The following PARP6 variants were observed in gnomAD, a reference collection of about 807,000 sequenced individuals.
PARP6 encodes the protein poly(ADP-ribose) polymerase family member 6.
PARP6 carries 27 observed loss-of-function variants against 92.0 expected under a neutral mutation model. That is an observed-to-expected ratio of 0.29 (90% CI 0.22 to 0.40). PARP6 has a LOEUF of 0.40. Ranked by LOEUF, PARP6 falls within the 10% of genes least tolerant of loss-of-function variation. The pLI is 1.00. For synonymous variants in PARP6, 272 were observed against 281.2 expected (o/e 0.97, Z 0.33); for missense variants, 501 against 784.5 (o/e 0.64, Z 4.32).
At chr15:72,254,668 C>T in intron 14 of PARP6, 148 bp from the exon 15 acceptor site, 1 of 625,240 alleles carries the variant, frequency 1.6e-6, no homozygotes, top group Non-Finnish European at 2.8e-6. Context: ...TCAGACAGTT[C>T]TAGGGGCACA....
chr15:72,265,260 C>T, intron 6 of PARP6, 89 bp from the exon 7 acceptor site: 1 of 1,028,114 alleles, frequency 9.7e-7, no homozygotes. Context: ...ATGCACATGA[C>T]AGTACACACC....
chr15:72,260,467 A>G lies in PARP6; in HGVS notation c.756+11T>C. The G allele has an allele frequency of 6.2e-7, 1 of 1,607,532 alleles. No individual in the cohort carries two copies. Among genetic ancestry groups the G allele is most frequent in the Non-Finnish European group, 8.5e-7 (1 of 1,174,466 alleles). On this transcript the variant is annotated intron_variant, in intron 10 of 23. Coordinates refer to ENST00000569795, the MANE Select transcript of PARP6 (RefSeq NM_001323532.2). ...CTGATAGCCAAGTCAAACCCTCCCC[A>G]GCCCATGTACCAAAGGAGAGGTCCG...
intron 15 of PARP6, chr15:72,253,803 T>C (rs1282627369): frequency 1.9e-6 from 1 of 536,454 alleles, no homozygotes; most frequent in Non-Finnish European, 3.6e-6. Flanking sequence ...ATAAAATCAA[T>C]GTCCCAAGAA....
chr15:72,251,363 C>A, intron 16 of PARP6, 108 bp from the exon 17 acceptor site: 2 of 646,886 alleles, frequency 3.1e-6, no homozygotes, highest in Admixed American at 2.9e-5. Context: ...AACAAGGATT[C>A]CTGGGCTGTC....
intron 16 of PARP6, 59 bp from the exon 17 acceptor site, chr15:72,251,314 T>C: frequency 1.8e-6 from 2 of 1,097,620 alleles, no homozygotes; most frequent in Non-Finnish European, 2.7e-6. Context: ...AAGCTATCCT[T>C]TCTGAACAAG....
chr15:72,267,339 C>T, intron 3 of PARP6, 136 bp downstream of exon 3: 2 of 910,912 alleles, frequency 2.2e-6, no homozygotes, highest in Non-Finnish European at 3.6e-6. Flanking sequence ...GTGCCCCTTC[C>T]CTTTCCTTTA....
chr15:72,261,256 C>G (rs1597097864), intron 9 of PARP6, among the ~76,000 whole-genome samples: 1 of 152,184 alleles, frequency 6.6e-6, no homozygotes, highest in Non-Finnish European at 1.5e-5. Flanking sequence ...CTGACACTTT[C>G]TTCTTAGGAT....
At chr15:72,258,778 T>C (rs889663626) in intron 11 of PARP6, among the ~76,000 whole-genome samples, 1 of 152,254 alleles carries the variant, frequency 6.6e-6, no homozygotes, top group Non-Finnish European at 1.5e-5. Flanking sequence ...TTAACATAGC[T>C]TTTGTGCATC....
chr15:72,251,911 T>C (rs1212903673), intron 16 of PARP6, among the ~76,000 whole-genome samples: 1 of 152,222 alleles, frequency 6.6e-6, no homozygotes, highest in Admixed American at 6.5e-5. Context: ...TGGATACAGT[T>C]TGCTGTTGTC....
In PARP6 at chr15:72,266,132, A is replaced by T. The variant is rs189328069; in HGVS notation, c.82-141T>A. 5 of 669,856 alleles carry T rather than the reference A, an allele frequency of 7.5e-6. No homozygotes were observed. In the East Asian group the frequency reaches 1.4e-4, roughly 18 times the overall value. The allele number at this position is 669,856 out of a possible 1,614,324, so 41.5% of individuals were successfully genotyped here. A position where few individuals can be genotyped will look rare whatever the true frequency, so the allele number is the denominator to read the frequency against. ...AGGGGAAGTAAAAGCCACTTATGTG[A>T]AGGGGTTCTCAGTGGTGACCCTAGC... On this transcript the variant is annotated intron_variant, in intron 4 of 23. Transcript: ENST00000569795.
chr15:72,248,480 T>G (rs751692194), intron 20 of PARP6, among the ~76,000 whole-genome samples: 3 of 152,124 alleles, frequency 2.0e-5, no homozygotes, highest in Non-Finnish European at 2.9e-5. Flanking sequence ...GGCACTACAT[T>G]TTCTGATCTT....
rs748884635 is a variant in PARP6 at position 72,259,602 on chromosome 15, G to A, written c.810+6C>T. 6.2e-7 allele frequency: 1 copy of A among 1,613,696 alleles called. No homozygotes were observed. The highest frequency in any genetic ancestry group is 8.5e-7 in the Non-Finnish European group (1 of 1,179,650). Reference sequence around the variant, plus strand: ...GGCTTCGGAGTGACAATTTTGACTTGATTACCTGAACGAGGAATCCATACT... The same window carrying A: ...GGCTTCGGAGTGACAATTTTGACTTAATTACCTGAACGAGGAATCCATACT... On this transcript the variant is annotated splice_donor_region_variant and intron_variant, in intron 11 of 23. Coordinates refer to ENST00000569795, the MANE Select transcript of PARP6 (RefSeq NM_001323532.2).
At chr15:72,260,366 G>C in intron 10 of PARP6, 112 bp downstream of exon 10, 2 of 830,590 alleles carry the variant, frequency 2.4e-6, no homozygotes, top group Admixed American at 2.3e-5. Flanking sequence ...ACCTAGGTTT[G>C]ATTTATGATG....
At chr15:72,260,448 G>C in intron 10 of PARP6, 30 bp downstream of exon 10, 1 of 1,572,658 alleles carries the variant, frequency 6.4e-7, no homozygotes, top group Non-Finnish European at 8.7e-7. Flanking sequence ...CCTCCTGATA[G>C]CCAAGTCAAA....
At position 72,272,536 on chromosome 15, in the gene PARP6, G is replaced by C. The variant is rs930069909; in HGVS notation, c.-603C>G. ...CGGGCCGCGCGCGGCCGCAGCCGACGGGACGAGCGGCCCGGGACGCCCCGC... is the reference window on the plus strand; with the variant it reads ...CGGGCCGCGCGCGGCCGCAGCCGACCGGACGAGCGGCCCGGGACGCCCCGC... On this transcript the variant is annotated 5_prime_UTR_variant, in exon 1 of 24. Transcript: ENST00000569795. 9.5e-4 allele frequency: 144 copies of C among 150,984 alleles called. No individual in the cohort carries two copies. Among genetic ancestry groups the C allele is most frequent in the African/African-American group, 3.1e-3 (130 of 41,386 alleles). 9.4% of individuals were successfully genotyped at this position (150,984 alleles called of 1,614,324 possible).
intron 2 of PARP6, among the ~76,000 whole-genome samples, chr15:72,268,083 T>C (rs1462302470): frequency 2.0e-5 from 3 of 152,240 alleles, no homozygotes; most frequent in African/African-American, 7.2e-5. Flanking sequence ...ATACAGATAC[T>C]TGCATATAAA....
intron 10 of PARP6, 66 bp from the exon 11 acceptor site, chr15:72,259,727 T>A: frequency 7.3e-7 from 1 of 1,362,734 alleles, no homozygotes. Flanking sequence ...CAGACCTGAC[T>A]CTTGCCTATC....
intron 14 of PARP6, 45 bp from the exon 15 acceptor site, chr15:72,254,565 A>G (rs1269693574): frequency 6.1e-6 from 9 of 1,478,414 alleles, no homozygotes; most frequent in South Asian, 3.4e-5. Context: ...AAAGAAAAGT[A>G]GAGGAAAGTA....
At chr15:72,251,501 G>T (rs1313939486) in intron 16 of PARP6, 3 of 222,758 alleles carry the variant, frequency 1.3e-5, no homozygotes, top group East Asian at 9.9e-5. Context: ...AACAATGGAT[G>T]AAAAAAAAAA....
Sources: allele counts gnomAD v4.1 joint callset (sites outside exome capture counted in the v4.1 genomes callset), GRCh38; gene constraint gnomAD v4.1.1; transcripts MANE v1.5; gene names NCBI Gene and HGNC (gene_info 2026-07-23, HGNC 2026-07-21).